The following MBNL3 variants were observed in gnomAD, a reference collection of about 807,000 sequenced individuals.
MBNL3 encodes muscleblind like splicing regulator 3.
MBNL3 carries 6 observed loss-of-function variants against 24.5 expected under a neutral mutation model. That is an observed-to-expected ratio of 0.25 (90% CI 0.13 to 0.48). The LOEUF is 0.48. MBNL3 is among the 20% of genes least tolerant of loss of function. MBNL3 has a pLI of 0.99. For missense variants in MBNL3, 230 were observed against 293.5 expected (o/e 0.78, Z 1.58); for synonymous variants, 100 against 101.7 (o/e 0.98, Z 0.10).
chrX:132,454,625 T>G (rs1946282792), intron 1 of MBNL3, among the ~76,000 whole-genome samples: 1 of 112,215 alleles, frequency 8.9e-6, no homozygotes, highest in Admixed American at 9.4e-5. Context: ...AACCCTCCAG[T>G]AGCCTTGAAG....
chrX:132,488,201 TCTAGCTAGCTAG>T (rs746158801), intron 1 of MBNL3, among the ~76,000 whole-genome samples: 5 of 110,454 alleles, frequency 4.5e-5, no homozygotes, highest in Non-Finnish European at 5.7e-5. Flanking sequence ...TTATCTATCA[TCTAGCTAGCTAG>T]CTAGCTAGCT....
chrX:132,390,994 C>G lies in MBNL3; in HGVS notation c.624G>C (p.Ala208=), dbSNP rs776625191. The G allele has an allele frequency of 5.8e-6, 7 of 1,208,862 alleles. No homozygotes were observed. In the South Asian group the frequency reaches 1.2e-4, roughly 21 times the overall value. Residue 208 remains alanine (A), a synonymous_variant, in exon 5 of 9, where the codon GCG becomes GCC. Coordinates refer to ENST00000370853, the MANE Select transcript of MBNL3 (RefSeq NM_001386889.1). ...AHPTDASMIE[A]SDNTVTICMD... is the part of the protein sequence containing the mutation. ...TGCAGATTGTCACAGTATTATCACT[C>G]GCTTCAATCATGGAAGCATCAGTAG... is the stretch of plus-strand genomic sequence containing the variant.
intron 3 of MBNL3, among the ~76,000 whole-genome samples, chrX:132,395,553 A>T (rs1938006835): frequency 9.0e-6 from 1 of 111,387 alleles, no homozygotes; most frequent in Non-Finnish European, 1.9e-5. Context: ...ACCAGCAAGA[A>T]TGGTGGTGGC....
At chrX:132,396,836 AT>A (rs1939510122) in intron 3 of MBNL3, among the ~76,000 whole-genome samples, 1 of 61,678 alleles carries the variant, frequency 1.6e-5, no homozygotes, top group African/African-American at 7.6e-5. Flanking sequence ...TCATATATAT[AT>A]TCATATATAC....
At chrX:132,463,404 C>A (rs1362174687) in intron 1 of MBNL3, among the ~76,000 whole-genome samples, 2 of 111,726 alleles carry the variant, frequency 1.8e-5, no homozygotes, top group African/African-American at 6.5e-5. Context: ...GCAGAGCTTG[C>A]AGTGAGCCGA....
At chrX:132,472,190 G>A (rs1041313166) in intron 1 of MBNL3, among the ~76,000 whole-genome samples, 1 of 111,753 alleles carries the variant, frequency 8.9e-6, no homozygotes, top group Non-Finnish European at 1.9e-5. Context: ...TTTGAGTATT[G>A]GAAGAATCAA....
Position 132,391,041 on chromosome X carries a change from T to C in MBNL3, c.577A>G (p.Asn193Asp). The C allele has an allele frequency of 1.7e-6, 2 of 1,211,001 alleles. No individual in the cohort carries two copies. Among genetic ancestry groups the C allele is most frequent in the Non-Finnish European group, 1.1e-6 (1 of 895,258 alleles). ...FQRGNCTRGE[N>D]DCRYAHPTDA... ...GTAGGGTGAGCATAGCGGCAATCAT[T>C]CTCCCCACGGGTACAATTTCCACGC... Residue 193 changes from asparagine (N) to aspartate (D), a missense_variant, in exon 5 of 9, where the codon AAT (asparagine) becomes GAT (aspartate). By Grantham distance (23) the Asn-to-Asp change is conservative. Coordinates refer to ENST00000370853, the MANE Select transcript of MBNL3 (RefSeq NM_001386889.1).
chrX:132,381,322 A>G, intron 8 of MBNL3: 3 of 837,321 alleles, frequency 3.6e-6, no homozygotes, highest in Non-Finnish European at 3.4e-6. Flanking sequence ...TATGTAGCCT[A>G]TAAATATTAT....
chrX:132,457,008 T>A (rs1006842947), intron 1 of MBNL3, among the ~76,000 whole-genome samples: 1 of 111,228 alleles, frequency 9.0e-6, no homozygotes, highest in African/African-American at 3.3e-5. Context: ...AAAAATAAAA[T>A]TTTTCTACCA....
chrX:132,445,117 C>T (rs1189607219), intron 1 of MBNL3, among the ~76,000 whole-genome samples: 1 of 111,665 alleles, frequency 9.0e-6, no homozygotes, highest in African/African-American at 3.3e-5. Context: ...ATTTATCAAC[C>T]CCTGAATAAA....
chrX:132,487,774 G>A (rs1018680879), intron 1 of MBNL3, among the ~76,000 whole-genome samples: 20 of 112,169 alleles, frequency 1.8e-4, no homozygotes, highest in African/African-American at 5.2e-4. Context: ...CATGGGCCAA[G>A]GAGAAGATGG....
intron 2 of MBNL3, among the ~76,000 whole-genome samples, chrX:132,421,820 TATAAC>T (rs1319147732): frequency 9.0e-6 from 1 of 111,577 alleles, no homozygotes; most frequent in East Asian, 2.8e-4. Context: ...ATATTTTACT[TATAAC>T]ATATATTAAA....
At chrX:132,386,029 T>A (rs184505620) in intron 6 of MBNL3, among the ~76,000 whole-genome samples, 1 of 111,624 alleles carries the variant, frequency 9.0e-6, no homozygotes, top group Admixed American at 9.5e-5. Flanking sequence ...ATATATGATA[T>A]CTAATTGAAC....
Position 132,375,760 on chromosome X carries a change from G to C in MBNL3, c.*3906C>G, listed in dbSNP as rs1934078366. 1 of 110,681 alleles carries C rather than the reference G, an allele frequency of 9.0e-6. No homozygotes were observed. The allele number at this position is 110,681 out of a possible 1,213,427, so 9.1% of individuals were successfully genotyped here. On this transcript the variant is annotated 3_prime_UTR_variant, in exon 9 of 9. Transcript: ENST00000370853. ...AATGTATTTGAGAGAAAAATAATGA[G>C]GATTTCAGTTTCTAATCATTCTGTA...
At chrX:132,386,210 T>C (rs1188628129) in intron 6 of MBNL3, among the ~76,000 whole-genome samples, 2 of 112,239 alleles carry the variant, frequency 1.8e-5, no homozygotes, top group African/African-American at 3.2e-5. Context: ...GTTTAATCTA[T>C]ATTATACTAT....
intron 2 of MBNL3, 105 bp downstream of exon 2, chrX:132,439,330 A>G: frequency 6.5e-6 from 6 of 917,050 alleles, no homozygotes; most frequent in Non-Finnish European, 8.7e-6. Context: ...AACAAAATTT[A>G]TCACTTTCAT....
In MBNL3 at chrX:132,460,077, C is replaced by G. The variant is rs1403994398; in HGVS notation, c.-703-19763G>C. ...GGGATAGAAAACAGAGCTGATGTAA[C>G]AGCATCCTTAGAGACTATAGTAAAA... On this transcript the variant is annotated intron_variant, in intron 1 of 8. Transcript: ENST00000370853. Among the ~76,000 whole-genome samples, 3 of 111,454 alleles carry G rather than the reference C, an allele frequency of 2.7e-5. No homozygotes were observed. The East Asian group carries it at 8.4e-4, about 31-fold the overall frequency.
intron 1 of MBNL3, among the ~76,000 whole-genome samples, chrX:132,469,279 T>G (rs977143929): frequency 8.9e-6 from 1 of 112,695 alleles, no homozygotes; most frequent in African/African-American, 3.2e-5. Context: ...GTGAGCTCCT[T>G]GAGGACACAT....
At chrX:132,385,833 A>G (rs1375560424) in intron 6 of MBNL3, among the ~76,000 whole-genome samples, 1 of 110,033 alleles carries the variant, frequency 9.1e-6, no homozygotes, top group Non-Finnish European at 1.9e-5. Context: ...ATTTTTTAAA[A>G]CATATGTTAT....
Sources: gnomAD v4.1 joint callset for allele counts (sites outside exome capture counted in the v4.1 genomes callset) on GRCh38, gnomAD v4.1.1 for gene constraint, MANE v1.5 for transcripts, NCBI Gene and HGNC (gene_info 2026-07-23, HGNC 2026-07-21) for gene names.